Variants in E2F7 observed in about 807,000 individuals in gnomAD.
E2F7 encodes the protein transcription factor E2F7.
In E2F7, 35 loss-of-function variants were observed where a neutral mutation model predicts 81.1. The observed-to-expected ratio is 0.43, with a 90% CI of 0.33 to 0.57. The LOEUF (loss-of-function observed/expected upper bound fraction) is 0.57, where lower values mean the gene tolerates loss of function less well. Among genes scored for constraint, E2F7 ranks in the 20% least tolerant of loss-of-function variants. The probability of loss-of-function intolerance (pLI) is 0.04; values close to 1 mark genes in which losing one functional copy is unlikely to be tolerated. For synonymous variants in E2F7, 416 were observed against 416.2 expected, an observed-to-expected ratio of 1.00 and a Z score of 0.01; for missense variants, 961 against 1,093.7, an observed-to-expected ratio of 0.88 and a Z score of 1.71.
Position 77,043,137 on chromosome 12 carries a change from C to T in E2F7, c.1051G>A (p.Val351Met). 1 of 1,614,180 alleles carries T rather than the reference C, an allele frequency of 6.2e-7. No homozygotes were observed. The highest frequency in any genetic ancestry group is 8.5e-7 in the Non-Finnish European group (1 of 1,180,028). The stretch of plus-strand genomic sequence containing the variant: ...CGACCTCGCTCTTCTGTTACATGCA[C>T]TTTCTTTATCAGAGCCAAGCTGGTC... ...VLTSLALIKK[V>M]HVTEERGRKP... is the part of the protein sequence containing the mutation. Residue 351 changes from valine (V) to methionine (M), a missense_variant, in exon 7 of 13, where the codon GTG becomes ATG. Coordinates refer to ENST00000322886, the MANE Select transcript of E2F7 (RefSeq NM_203394.3).
intron 9 of E2F7, 60 bp downstream of exon 9, chr12:77,032,990 G>C (rs377029936): frequency 6.6e-7 from 1 of 1,523,560 alleles, no homozygotes; most frequent in Admixed American, 2.1e-5. Flanking sequence ...CTGCAATTTA[G>C]TCAAAGTTAA....
rs766488594 is a variant in E2F7 at position 77,033,882 on chromosome 12, C to G, written c.1284G>C (p.Pro428=). The G allele has an allele frequency of 1.2e-6, 2 of 1,612,374 alleles. No individual in the cohort carries two copies. The highest frequency in any genetic ancestry group is 2.2e-5 in the South Asian group (2 of 90,738). The change falls in exon 8 of 13, where the codon CCG becomes CCC. Residue 428 remains proline (P), a synonymous_variant. Coordinates refer to ENST00000322886, the MANE Select transcript of E2F7 (RefSeq NM_203394.3). ...ERIQRKVNSE[P]SSPYREEQGS... ...CTTGTTCTTCTCTGTACGGGCTGCTCGGTTCTGAGTTCACTTTCCTCTGGA... is the reference window on the plus strand; with the variant it reads ...CTTGTTCTTCTCTGTACGGGCTGCTGGGTTCTGAGTTCACTTTCCTCTGGA...
rs1954818408 is a variant in E2F7 at position 77,032,997 on chromosome 12, T to G, written c.1382+53A>C. ...GGGTGGCACTGCAATTTAGTCAAAG[T>G]TAACACTAGGAGATAGAAAAGAATA... On this transcript the variant is annotated intron_variant, in intron 9 of 12. Transcript: ENST00000322886. 5 of 1,542,198 alleles carry G rather than the reference T, an allele frequency of 3.2e-6. No homozygotes were observed. In the East Asian group the frequency reaches 1.1e-4, roughly 35 times the overall value.
At chr12:77,053,446 G>A (rs1043397548) in intron 3 of E2F7, among the ~76,000 whole-genome samples, 3 of 152,184 alleles carry the variant, frequency 2.0e-5, no homozygotes, top group Non-Finnish European at 4.4e-5. Flanking sequence ...AGACTCCAGT[G>A]TACACTTGGG....
intron 4 of E2F7, among the ~76,000 whole-genome samples, chr12:77,048,139 G>A (rs1211619774): frequency 6.6e-6 from 1 of 152,170 alleles, no homozygotes; most frequent in East Asian, 1.9e-4. Flanking sequence ...AAACCAACAT[G>A]AGAGCTGCCT....
In E2F7 at chr12:77,064,678, T is replaced by A. The variant is rs186864824; in HGVS notation, c.1-43A>T. On this transcript the variant is annotated intron_variant, in intron 1 of 12. Coordinates refer to ENST00000322886, the MANE Select transcript of E2F7 (RefSeq NM_203394.3). ...ACTAGAAAATGATTTTGCAATTAGGTATTTTTTCCTCAAACAAAAATATCT... is the reference window on the plus strand; with the variant it reads ...ACTAGAAAATGATTTTGCAATTAGGAATTTTTTCCTCAAACAAAAATATCT... The A allele has an allele frequency of 1.3e-3, 2,025 of 1,560,596 alleles. 55 individuals carry two copies. In the Admixed American group the frequency reaches 0.033, roughly 25 times the overall value.
chr12:77,056,179 A>C (rs749029688), intron 2 of E2F7, 49 bp from the exon 3 acceptor site: 1 of 1,512,870 alleles, frequency 6.6e-7, no homozygotes, highest in South Asian at 1.3e-5. Flanking sequence ...GGCAGGTATC[A>C]GCTAAGAGTA....
At chr12:77,027,696 G>C (rs533895942) in intron 11 of E2F7, among the ~76,000 whole-genome samples, 187 bp downstream of exon 11, 1 of 152,274 alleles carries the variant, frequency 6.6e-6, no homozygotes, top group South Asian at 2.1e-4. Context: ...CATTACTCCT[G>C]AAGTTGGTGA....
rs1265120310 is a variant in E2F7, at chr12:77,025,896, C to T, written c.2227G>A (p.Val743Ile). The T allele has an allele frequency of 1.2e-6, 2 of 1,614,064 alleles. No individual in the cohort carries two copies. Among genetic ancestry groups the T allele is most frequent in the Non-Finnish European group, 1.7e-6 (2 of 1,180,000 alleles). The change falls in exon 12 of 13, where the codon GTC becomes ATC. Residue 743 changes from valine to isoleucine, a missense_variant. Around this residue, in one of 3 missense-constraint regions of E2F7, gnomAD observed 587 missense variants for 620.3 expected, o/e 0.95. Coordinates refer to ENST00000322886, the MANE Select transcript of E2F7 (RefSeq NM_203394.3). ...PSSGQLPSFS[V>I]PCMVLPSPPL... is the part of the protein sequence containing the mutation. ...GGAGATGGTAAGACCATGCAAGGGACACTGAAAGACGGCAGCTGACCTGAG... is the reference window on the plus strand; with the variant it reads ...GGAGATGGTAAGACCATGCAAGGGATACTGAAAGACGGCAGCTGACCTGAG...
chr12:77,040,151 T>C (rs1954883438), intron 7 of E2F7, among the ~76,000 whole-genome samples: 1 of 152,228 alleles, frequency 6.6e-6, no homozygotes, highest in Non-Finnish European at 1.5e-5. Context: ...TATGACCTTG[T>C]TTATGTGTGT....
intron 2 of E2F7, among the ~76,000 whole-genome samples, chr12:77,063,625 C>G (rs1955095529): frequency 6.6e-6 from 1 of 151,952 alleles, no homozygotes; most frequent in South Asian, 2.1e-4. Flanking sequence ...ATTTCTTTAC[C>G]TAATAAAAAT....
intron 6 of E2F7, 79 bp from the exon 7 acceptor site, chr12:77,043,278 C>T: frequency 6.3e-7 from 1 of 1,590,520 alleles, no homozygotes; most frequent in Non-Finnish European, 8.6e-7. Flanking sequence ...GGTAACTTTT[C>T]TCGGCTGCCA....
At chr12:77,051,128 G>A (rs1206198524) in intron 3 of E2F7, among the ~76,000 whole-genome samples, 1 of 152,178 alleles carries the variant, frequency 6.6e-6, no homozygotes, top group East Asian at 1.9e-4. Flanking sequence ...AAGATTCTAG[G>A]TGATTTCTAA....
intron 4 of E2F7, 99 bp from the exon 5 acceptor site, chr12:77,046,427 G>C: frequency 7.6e-7 from 1 of 1,308,810 alleles, no homozygotes; most frequent in Non-Finnish European, 1.0e-6. Flanking sequence ...TACTTTGTCT[G>C]ATCCCCAATA....
At chr12:77,042,816 G>A (rs757010952) in intron 7 of E2F7, among the ~76,000 whole-genome samples, 10 of 152,144 alleles carry the variant, frequency 6.6e-5, no homozygotes, top group Non-Finnish European at 1.3e-4. Flanking sequence ...AGAACAAAGA[G>A]CTGCAAATTA....
intron 10 of E2F7, among the ~76,000 whole-genome samples, chr12:77,028,723 C>T (rs975487990): frequency 6.6e-6 from 1 of 152,184 alleles, no homozygotes; most frequent in African/African-American, 2.4e-5. Context: ...ATCCGCCCGC[C>T]TCGGCCTCCA....
At chr12:77,038,052 GA>G (rs780291818) in intron 7 of E2F7, among the ~76,000 whole-genome samples, 36 of 152,132 alleles carry the variant, frequency 2.4e-4, no homozygotes, top group Non-Finnish European at 4.4e-4. Flanking sequence ...CAGGAATAAA[GA>G]GGGTCATTTT....
Position 77,029,839 on chromosome 12 carries a change from T to A in E2F7, c.1876A>T (p.Met626Leu). ...EYEDGPLSLV[M>L]PKKPSDSTDL... The stretch of plus-strand genomic sequence containing the variant: ...CACCTGCACTCCCTTACCTTGGGCA[T>A]GACAAGCGACAGCGGGCCGTCTTCA... The change falls in exon 10 of 13, where the codon ATG (methionine) becomes TTG (leucine). Residue 626 changes from methionine to leucine, a missense_variant. By Grantham distance (15) the Met-to-Leu change is conservative. Transcript: ENST00000322886. 3 of 1,614,090 alleles carry A rather than the reference T, an allele frequency of 1.9e-6. No individual in the cohort carries two copies. Among genetic ancestry groups the A allele is most frequent in the Non-Finnish European group, 2.5e-6 (3 of 1,179,954 alleles).
At position 77,050,696 on chromosome 12, in the gene E2F7, G is replaced by T; in HGVS notation, c.418C>A (p.Pro140Thr). 1 of 1,613,814 alleles carries T rather than the reference G, an allele frequency of 6.2e-7. No homozygotes were observed. The change falls in exon 4 of 13, where the codon CCA (proline) becomes ACA (threonine). Residue 140 changes from proline to threonine, a missense_variant. By Grantham distance (38) the Pro-to-Thr change is conservative. This residue lies in a region of E2F7 where 301 missense variants were observed against 405.0 expected (regional missense o/e 0.74). Transcript: ENST00000322886. ...SAVDEFEKQR[P>T]SRKQKSLGLL... is the part of the protein sequence containing the mutation. The stretch of plus-strand genomic sequence containing the variant: ...CCTAAACTTTTCTGTTTTCTGCTTG[G>T]CCTTTGCTTTTCAAATTCGTCCACA...
Sources: allele counts gnomAD v4.1 joint callset (sites outside exome capture counted in the v4.1 genomes callset), GRCh38; gene constraint gnomAD v4.1.1; regional missense constraint gnomAD v4.1.1; transcripts MANE v1.5; gene names NCBI Gene and HGNC (gene_info 2026-07-23, HGNC 2026-07-21).